LINGO2: variants seen among roughly 807,000 people sequenced by gnomAD.
LINGO2 encodes leucine rich repeat and Ig domain containing 2.
A neutral mutation model predicts 30.6 loss-of-function variants in LINGO2; 14 were observed. The ratio of observed to expected loss-of-function variants is 0.46; its 90% CI spans 0.30 to 0.72. The LOEUF is 0.72. Among genes scored for constraint, LINGO2 ranks in the 30% least tolerant of loss-of-function variants. The pLI is 0.07. For synonymous variants in LINGO2, 317 were observed against 288.5 expected, an observed-to-expected ratio of 1.10 and a Z score of -1.00; for missense variants, 729 against 751.7, an observed-to-expected ratio of 0.97 and a Z score of 0.35.
the LINGO2 span, among the ~76,000 whole-genome samples, chr9:29,182,688 G>GTT: frequency 6.8e-6 from 1 of 147,152 alleles, no homozygotes; most frequent in Admixed American, 6.8e-5. Context: ...AAATCTGTAG[G>GTT]TTTTTTTTTT....
chr9:28,649,652 A>G (rs1827998283), intron 1 of LINGO2, among the ~76,000 whole-genome samples: 1 of 152,168 alleles, frequency 6.6e-6, no homozygotes, highest in Non-Finnish European at 1.5e-5. Context: ...AATAGAAAGT[A>G]GTTAAGAAAT....
the LINGO2 span, among the ~76,000 whole-genome samples, chr9:29,109,012 T>C: frequency 6.6e-6 from 1 of 152,208 alleles, no homozygotes; most frequent in African/African-American, 2.4e-5. Context: ...CTAAAATATA[T>C]AGCAATTTTC....
chr9:28,120,980 C>T (rs1258842991), intron 4 of LINGO2, among the ~76,000 whole-genome samples: 1 of 152,144 alleles, frequency 6.6e-6, no homozygotes, highest in African/African-American at 2.4e-5. Context: ...ACAAAAACAT[C>T]TGTTACATAT....
the LINGO2 span, among the ~76,000 whole-genome samples, chr9:28,987,975 T>C: frequency 6.6e-6 from 1 of 152,188 alleles, no homozygotes; most frequent in Admixed American, 6.5e-5. Context: ...GGGAAGGTTT[T>C]AGGTTTGCCT....
At chr9:28,532,335 C>G (rs553605609) in intron 1 of LINGO2, among the ~76,000 whole-genome samples, 1 of 152,080 alleles carries the variant, frequency 6.6e-6, no homozygotes, top group Non-Finnish European at 1.5e-5. Context: ...TCATATTCAG[C>G]TAAAATAGGT....
the LINGO2 span, among the ~76,000 whole-genome samples, chr9:28,806,785 C>A: frequency 6.6e-6 from 1 of 152,122 alleles, no homozygotes; most frequent in South Asian, 2.1e-4. Flanking sequence ...TACACTGGAG[C>A]AGCAGGACCC....
At chr9:28,527,388 G>A (rs1821076141) in intron 1 of LINGO2, among the ~76,000 whole-genome samples, 1 of 152,140 alleles carries the variant, frequency 6.6e-6, no homozygotes, top group African/African-American at 2.4e-5. Context: ...TGAGATTCAG[G>A]GGATGCAGAG....
the LINGO2 span, among the ~76,000 whole-genome samples, chr9:28,681,448 T>C: frequency 6.6e-6 from 1 of 152,052 alleles, no homozygotes; most frequent in Admixed American, 6.6e-5. Context: ...AAGTTTCTTA[T>C]CAAGCTGCTC....
the LINGO2 span, among the ~76,000 whole-genome samples, chr9:28,729,079 G>A: frequency 6.6e-6 from 1 of 152,176 alleles, no homozygotes; most frequent in Non-Finnish European, 1.5e-5. Flanking sequence ...GAGGAATTAA[G>A]TATCTCTTTG....
chr9:29,136,790 C>T, the LINGO2 span, among the ~76,000 whole-genome samples: 4 of 152,086 alleles, frequency 2.6e-5, no homozygotes, highest in Non-Finnish European at 4.4e-5. Context: ...GTTTCAAATT[C>T]TCATCTCCAT....
At chr9:29,056,224 TAA>T in the LINGO2 span, among the ~76,000 whole-genome samples, 2 of 152,122 alleles carry the variant, frequency 1.3e-5, no homozygotes, top group Non-Finnish European at 2.9e-5. Context: ...ACAGGCAGTG[TAA>T]AAGTGTTCCC....
intron 4 of LINGO2, among the ~76,000 whole-genome samples, chr9:28,024,542 T>A (rs979793999): frequency 4.6e-5 from 7 of 152,184 alleles, no homozygotes; most frequent in Non-Finnish European, 1.0e-4. Flanking sequence ...CTCTTTCAGA[T>A]CTTCAGATTT....
the LINGO2 span, among the ~76,000 whole-genome samples, chr9:28,675,317 T>C: frequency 6.6e-6 from 1 of 152,106 alleles, no homozygotes; most frequent in African/African-American, 2.4e-5. Flanking sequence ...TTGAATGCAA[T>C]GGTACCTAAT....
intron 1 of LINGO2, among the ~76,000 whole-genome samples, chr9:28,499,377 A>G (rs1819793918): frequency 6.6e-6 from 1 of 152,200 alleles, no homozygotes; most frequent in Non-Finnish European, 1.5e-5. Context: ...TAAAGTCTTG[A>G]GTGATCATAG....
chr9:27,949,235 C>A (rs751291528), exon 6 of LINGO2: 2 of 1,614,096 alleles, frequency 1.2e-6, no homozygotes, highest in South Asian at 2.2e-5. Flanking sequence ...AAACATACAT[C>A]CCGCTGTCTT....
At chr9:28,057,163 C>A (rs370015673) in intron 4 of LINGO2, among the ~76,000 whole-genome samples, 3 of 152,054 alleles carry the variant, frequency 2.0e-5, no homozygotes, top group East Asian at 1.9e-4. Flanking sequence ...GATGTCTATG[C>A]CTGTTCTACT....
chr9:29,156,984 CAAAGT>C, the LINGO2 span, among the ~76,000 whole-genome samples: 5 of 151,874 alleles, frequency 3.3e-5, no homozygotes, highest in Admixed American at 6.6e-5. Flanking sequence ...CTTACGCAAG[CAAAGT>C]AATCTATTTA....
intron 4 of LINGO2, among the ~76,000 whole-genome samples, chr9:28,226,634 GGAAAGAAGGAAAGAAA>G (rs772531311): frequency 0.071 from 5,842 of 81,970 alleles, 184 homozygotes; most frequent in Admixed American, 0.078. Context: ...AAGGAAAGAA[GGAAAGAAGGAAAGAAA>G]GAAAGAAAGA....
chr9:28,558,103 A>T (rs1345275044), intron 1 of LINGO2, among the ~76,000 whole-genome samples: 1 of 151,376 alleles, frequency 6.6e-6, no homozygotes, highest in East Asian at 1.9e-4. Context: ...GTATGTAACT[A>T]AGCTGCACAA....
Sources: gnomAD v4.1 joint callset for allele counts (sites outside exome capture counted in the v4.1 genomes callset) on GRCh38, gnomAD v4.1.1 for gene constraint, MANE v1.5 for transcripts, NCBI Gene and HGNC (gene_info 2026-07-23, HGNC 2026-07-21) for gene names.